ZNF276: variants seen among roughly 807,000 people sequenced by gnomAD.
ZNF276 encodes the protein centromere protein Z.
A neutral mutation model predicts 63.9 loss-of-function variants in ZNF276; 59 were observed. The observed-to-expected ratio is 0.92, with a 90% CI of 0.75 to 1.15. ZNF276 has a LOEUF of 1.15. Ranked by LOEUF, ZNF276 falls within the 50% of genes most tolerant of loss-of-function variation. The pLI is 0.00. For synonymous variants in ZNF276, 496 were observed against 348.4 expected, an observed-to-expected ratio of 1.42 and a Z score of -4.72; for missense variants, 1,084 against 843.8, an observed-to-expected ratio of 1.28 and a Z score of -3.53.
intron 4 of ZNF276, among the ~76,000 whole-genome samples, chr16:89,725,770 G>A (rs578108810): frequency 1.3e-5 from 2 of 152,130 alleles, no homozygotes; most frequent in African/African-American, 4.8e-5. Flanking sequence ...TGGCCTGACC[G>A]ACAGAGCAAG....
intron 9 of ZNF276, among the ~76,000 whole-genome samples, chr16:89,737,183 T>G (rs1348149986): frequency 6.6e-6 from 1 of 152,172 alleles, no homozygotes; most frequent in Non-Finnish European, 1.5e-5. Flanking sequence ...CAGCCATAGC[T>G]GTGACAATCA....
intron 4 of ZNF276, among the ~76,000 whole-genome samples, chr16:89,725,796 GA>G (rs769026725): frequency 6.6e-6 from 1 of 151,866 alleles, no homozygotes; most frequent in Non-Finnish European, 1.5e-5. Context: ...GTCTAAAAAA[GA>G]AAAAAACAAA....
chr16:89,723,440 C>G lies in ZNF276; in HGVS notation c.737C>G (p.Ser246Cys), dbSNP rs1245386436. ...CACGACTACACCATGGATACCAGCTCCAGCTGCAAGGCCTTCTTGCTGGAC... is the reference window on the plus strand; with the variant it reads ...CACGACTACACCATGGATACCAGCTGCAGCTGCAAGGCCTTCTTGCTGGAC... The part of the protein sequence containing the change: ...QGHDYTMDTS[S>C]SCKAFLLDSA... Residue 246 changes from serine (S) to cysteine (C), a missense_variant, in exon 4 of 11, where the codon TCC becomes TGC. Physicochemically the swap from Ser to Cys is moderately radical, Grantham distance 112. Coordinates refer to ENST00000443381, the MANE Select transcript of ZNF276 (RefSeq NM_001113525.2). 6.8e-6 allele frequency: 11 copies of G among 1,613,076 alleles called. No homozygotes were observed. The South Asian group carries it at 7.7e-5, about 11-fold the overall frequency.
In ZNF276 at chr16:89,738,707, A is replaced by G. The variant is rs761987751; in HGVS notation, c.*461A>G. On this transcript the variant is annotated 3_prime_UTR_variant, in exon 11 of 11. Coordinates refer to ENST00000443381, the MANE Select transcript of ZNF276 (RefSeq NM_001113525.2). ...GTCGCAGTCCCCACGATCAGCCAGC[A>G]GCTGTGAGAGAGGAGCAGGTCCTCA... The G allele has an allele frequency of 7.4e-6, 12 of 1,613,878 alleles. No homozygotes were observed. Among genetic ancestry groups the G allele is most frequent in the Non-Finnish European group, 1.0e-5 (12 of 1,179,946 alleles).
Position 89,733,594 on chromosome 16 carries a change from T to TGTCA in ZNF276, c.1356+40_1356+43dup, listed in dbSNP as rs770996458. On this transcript the variant is annotated intron_variant, in intron 8 of 10. Transcript: ENST00000443381. ...CTGTGCCTGACCCAGGCCCGGCAGC[T>TGTCA]GTCAGTGTGAACCTGGGGGAGGTAG... is the stretch of plus-strand genomic sequence containing the variant. The TGTCA allele has an allele frequency of 6.2e-6, 10 of 1,610,112 alleles. No homozygotes were observed. The South Asian group carries it at 7.7e-5, about 12-fold the overall frequency.
chr16:89,728,243 T>C (rs989919610), intron 5 of ZNF276, among the ~76,000 whole-genome samples: 23 of 151,510 alleles, frequency 1.5e-4, no homozygotes, highest in African/African-American at 5.1e-4. Flanking sequence ...CTTTTTTTTT[T>C]AGACCGAGCC....
chr16:89,728,248 C>G (rs913071044), intron 5 of ZNF276, among the ~76,000 whole-genome samples: 40 of 148,358 alleles, frequency 2.7e-4, no homozygotes, highest in Non-Finnish European at 4.6e-4. Flanking sequence ...TTTTTTAGAC[C>G]GAGCCTTACT....
rs1198970749 is a variant in ZNF276, at chr16:89,723,367, T to C, written c.664T>C (p.Ser222Pro). 6.2e-7 allele frequency: 1 copy of C among 1,613,038 alleles called. No individual in the cohort carries two copies. Residue 222 changes from serine to proline, a missense_variant, in exon 4 of 11, where the codon TCC (serine) becomes CCC (proline). Physicochemically the swap from Ser to Pro is moderately conservative, Grantham distance 74. Transcript: ENST00000443381. ...GCCCCACCTTCAGAGGACACTGTCC[T>C]CCGAGTACTGCGGCGTCATCCAGGT... ...ALPHLQRTLS[S>P]EYCGVIQVVW...
In ZNF276 at chr16:89,723,254, C is replaced by T. The variant is rs762929441; in HGVS notation, c.557-6C>T. On this transcript the variant is annotated splice_polypyrimidine_tract_variant and splice_region_variant and intron_variant, in intron 3 of 10. Coordinates refer to ENST00000443381, the MANE Select transcript of ZNF276 (RefSeq NM_001113525.2). ...TGGATCTGACATCTCTGTTGACTCT[C>T]TGCAGTGGATCTGATCACATCCAGC... The T allele has an allele frequency of 3.7e-6, 6 of 1,613,228 alleles. No homozygotes were observed. The highest frequency in any genetic ancestry group is 4.2e-6 in the Non-Finnish European group (5 of 1,180,008).
intron 9 of ZNF276, among the ~76,000 whole-genome samples, chr16:89,736,890 GCAAGACT>G (rs1247667626): frequency 2.0e-5 from 3 of 151,652 alleles, no homozygotes; most frequent in Non-Finnish European, 2.9e-5. Flanking sequence ...GGGCAACAGA[GCAAGACT>G]CAAGTCTCAA....
intron 2 of ZNF276, 46 bp from the exon 3 acceptor site, chr16:89,723,088 TGAA>T: frequency 6.2e-7 from 1 of 1,612,628 alleles, no homozygotes. Flanking sequence ...ACGAGCGCTG[TGAA>T]CCTCCGCCTG....
At chr16:89,720,503 C>CAGGT (rs1314647284), upstream of ZNF276, 1 of 1,135,976 alleles carries the variant, frequency 8.8e-7, no homozygotes, top group Non-Finnish European at 1.1e-6. Context: ...ATCTCCTCTA[C>CAGGT]AGGTGGAGCC....
rs531487697 is a variant in ZNF276 at position 89,733,388 on chromosome 16, GGAA to G, written c.1264_1266del (p.Lys422del). On this transcript the variant is annotated inframe_deletion, in exon 7 of 11. Transcript: ENST00000443381. ...AAGAAGCCGGGACCCAAGCCCGGAT[GGAA>G]GAAGAAGCTTCGTTGTGAGAGGTGA... 5.3e-4 allele frequency: 863 copies of G among 1,614,168 alleles called. 3 individuals are homozygous for G. The highest frequency in any genetic ancestry group is 1.6e-3 in the Middle Eastern group (10 of 6,062).
chr16:89,735,372 G>A (rs529166886), intron 9 of ZNF276, among the ~76,000 whole-genome samples: 4 of 152,228 alleles, frequency 2.6e-5, no homozygotes, highest in African/African-American at 9.6e-5. Context: ...ACTTATTACA[G>A]AATAAGAATT....
chr16:89,721,608 A>C lies in ZNF276; in HGVS notation c.-33A>C. 20 of 1,470,696 alleles carry C rather than the reference A, an allele frequency of 1.4e-5. No individual in the cohort carries two copies. The highest frequency in any genetic ancestry group is 1.8e-5 in the Non-Finnish European group (20 of 1,116,016). 91.1% of individuals were successfully genotyped at this position (1,470,696 alleles called of 1,614,324 possible). ...CTCTAGGAACCTCGGGCCGGGCAGC[A>C]CCCGCGGGATTCTGCTGGCGTCCTC... is the stretch of plus-strand genomic sequence containing the variant. On this transcript the variant is annotated 5_prime_UTR_variant, in exon 1 of 11. Coordinates refer to ENST00000443381, the MANE Select transcript of ZNF276 (RefSeq NM_001113525.2).
Position 89,739,554 on chromosome 16 carries a change from C to T in ZNF276, c.*1308C>T, listed in dbSNP as rs1555533693. ...AGGAGGAGCCGCCCCAGCCTGAGGT[C>T]TGCAACACCAAGAAGTGGCTCAGGC... On this transcript the variant is annotated 3_prime_UTR_variant, in exon 11 of 11. Coordinates refer to ENST00000443381, the MANE Select transcript of ZNF276 (RefSeq NM_001113525.2). 1 of 1,551,184 alleles carries T rather than the reference C, an allele frequency of 6.4e-7. No individual in the cohort carries two copies. The highest frequency in any genetic ancestry group is 8.7e-7 in the Non-Finnish European group (1 of 1,146,992).
At chr16:89,737,595 G>A in intron 9 of ZNF276, 1 of 843,404 alleles carries the variant, frequency 1.2e-6, no homozygotes, top group Non-Finnish European at 1.7e-6. Context: ...ATCCTGAAAT[G>A]CACACAGCTG....
chr16:89,728,267 C>A (rs1055876511), intron 5 of ZNF276, among the ~76,000 whole-genome samples: 1 of 151,366 alleles, frequency 6.6e-6, no homozygotes, highest in Non-Finnish European at 1.5e-5. Context: ...CTCTGTTGCC[C>A]AGGCTGGAGT....
Position 89,738,251 on chromosome 16 carries a change from G to A in ZNF276, c.*5G>A, listed in dbSNP as rs558326013. 1.4e-5 allele frequency: 22 copies of A among 1,593,810 alleles called. No individual in the cohort carries two copies. The highest frequency in any genetic ancestry group is 6.9e-5 in the East Asian group (3 of 43,468). ...GTGAAGCCCGAACCCACCTGAGGAC[G>A]GCAGTGAGGATGAGCACCTCTAGCA... is the stretch of plus-strand genomic sequence containing the variant. On this transcript the variant is annotated 3_prime_UTR_variant, in exon 11 of 11. Coordinates refer to ENST00000443381, the MANE Select transcript of ZNF276 (RefSeq NM_001113525.2).
Sources: allele counts gnomAD v4.1 joint callset (sites outside exome capture counted in the v4.1 genomes callset), GRCh38; gene constraint gnomAD v4.1.1; transcripts MANE v1.5; gene names NCBI Gene and HGNC (gene_info 2026-07-23, HGNC 2026-07-21).